Variants in TASP1 observed in about 807,000 individuals in gnomAD.
The protein encoded by TASP1 is threonine aspartase 1.
Under a neutral mutation model 56.6 loss-of-function variants are expected in TASP1, and 16 were observed. That is an observed-to-expected ratio of 0.28 (90% CI 0.19 to 0.43). The LOEUF is 0.43. TASP1 is among the 20% of genes least tolerant of loss of function. The probability of loss-of-function intolerance (pLI) is 1.00; values close to 1 mark genes in which losing one functional copy is unlikely to be tolerated. For synonymous variants in TASP1, 179 were observed against 184.2 expected (o/e 0.97, Z 0.23); for missense variants, 393 against 511.6 (o/e 0.77, Z 2.24).
intron 13 of TASP1, among the ~76,000 whole-genome samples, chr20:13,400,784 A>C (rs957008319): frequency 6.6e-6 from 1 of 152,224 alleles, no homozygotes; most frequent in Non-Finnish European, 1.5e-5. Flanking sequence ...TAAAATGTTA[A>C]GTTTTCACAA....
intron 1 of TASP1, among the ~76,000 whole-genome samples, chr20:13,630,849 T>C (rs1489087088): frequency 1.3e-5 from 2 of 152,128 alleles, no homozygotes; most frequent in Non-Finnish European, 1.5e-5. Context: ...GAGAGTATTA[T>C]TTTATTCATG....
chr20:13,631,760 T>C (rs2049093503), intron 1 of TASP1, among the ~76,000 whole-genome samples: 1 of 152,220 alleles, frequency 6.6e-6, no homozygotes, highest in African/African-American at 2.4e-5. Context: ...GAAATTATAA[T>C]ATTTATATTT....
At chr20:13,133,213 G>C in the TASP1 span, among the ~76,000 whole-genome samples, 3 of 151,712 alleles carry the variant, frequency 2.0e-5, no homozygotes, top group Non-Finnish European at 4.4e-5. Context: ...TATAGTTCCC[G>C]CTGCACAAGT....
In TASP1 at chr20:13,437,643, T is replaced by C. The variant is rs2043054615; in HGVS notation, c.986-2489A>G. 2.6e-5 allele frequency among the ~76,000 whole-genome samples: 4 copies of C among 152,210 alleles called. No homozygotes were observed. The South Asian group carries it at 8.3e-4, about 32-fold the overall frequency. On this transcript the variant is annotated intron_variant, in intron 11 of 13. Coordinates refer to ENST00000337743, the MANE Select transcript of TASP1 (RefSeq NM_017714.3). ...TCAGCCCAAAATCTCCTTAAGCTGA[T>C]AGACAATTTCAGCAAAGTCTCAGGA... is the stretch of plus-strand genomic sequence containing the variant.
At chr20:13,159,972 T>A in the TASP1 span, 7,619 of 1,493,268 alleles carry the variant, frequency 5.1e-3, 65 homozygotes, top group South Asian at 0.01. Flanking sequence ...ACTAACCACT[T>A]TTTTTTTTTC....
Position 13,463,405 on chromosome 20 carries a change from TA to T in TASP1, c.985+19821del, listed in dbSNP as rs569340879. On this transcript the variant is annotated intron_variant, in intron 11 of 13. Transcript: ENST00000337743. ...GATCTAAATGTAAGAGTAAAAACTA[TA>T]AAACTCCTATAAGAAAACACAGGGG... 2.7e-3 allele frequency among the ~76,000 whole-genome samples: 407 copies of T among 152,122 alleles called. 1 individual carries two copies. The highest frequency in any genetic ancestry group is 4.4e-3 in the Non-Finnish European group (301 of 67,972).
intron 10 of TASP1, among the ~76,000 whole-genome samples, chr20:13,483,868 G>C (rs1430522757): frequency 6.6e-6 from 1 of 151,806 alleles, no homozygotes; most frequent in African/African-American, 2.4e-5. Context: ...AGAGTGAACA[G>C]GCAACCTACA....
the TASP1 span, chr20:13,126,838 A>G: frequency 9.7e-6 from 13 of 1,335,310 alleles, no homozygotes; most frequent in East Asian, 2.2e-4. Context: ...AAATCAAGCC[A>G]TGTGATAAAT....
At chr20:13,476,463 G>T (rs1404686660) in intron 11 of TASP1, among the ~76,000 whole-genome samples, 1 of 152,122 alleles carries the variant, frequency 6.6e-6, no homozygotes, top group East Asian at 1.9e-4. Flanking sequence ...AAGATTCCAG[G>T]ATCTCCATTT....
At chr20:13,392,480 A>G (rs2041326617) in intron 13 of TASP1, among the ~76,000 whole-genome samples, 1 of 152,200 alleles carries the variant, frequency 6.6e-6, no homozygotes, top group Admixed American at 6.5e-5. Context: ...AAGCTTTGTT[A>G]CATACATCTC....
At chr20:13,476,131 T>C (rs1208865252) in intron 11 of TASP1, among the ~76,000 whole-genome samples, 3 of 152,028 alleles carry the variant, frequency 2.0e-5, no homozygotes, top group Admixed American at 6.6e-5. Context: ...AATAAATAAA[T>C]AAACAAACAA....
chr20:13,585,799 A>G (rs1286404917), intron 5 of TASP1, among the ~76,000 whole-genome samples: 1 of 152,214 alleles, frequency 6.6e-6, no homozygotes, highest in East Asian at 1.9e-4. Flanking sequence ...GAAAACCGGC[A>G]GTATCTATTA....
At chr20:13,105,551 C>A in the TASP1 span, among the ~76,000 whole-genome samples, 49,412 of 152,060 alleles carry the variant, frequency 0.32, 10,097 homozygotes, top group African/African-American at 0.58. Context: ...TTTTAAAATT[C>A]TGGATTAATC....
chr20:13,171,094 G>GT, the TASP1 span, among the ~76,000 whole-genome samples: 4 of 152,078 alleles, frequency 2.6e-5, no homozygotes. Flanking sequence ...CAGTCTATCA[G>GT]TTTTTTTGCC....
At chr20:13,268,160 C>T in the TASP1 span, among the ~76,000 whole-genome samples, 134 of 77,944 alleles carry the variant, frequency 1.7e-3, no homozygotes, top group East Asian at 7.9e-3. Context: ...TCTTCCCTTC[C>T]CTTCTCTCCT....
chr20:13,633,704 G>A (rs2049183882), intron 1 of TASP1, among the ~76,000 whole-genome samples: 1 of 152,012 alleles, frequency 6.6e-6, no homozygotes, highest in African/African-American at 2.4e-5. Context: ...AACTGGCTAA[G>A]TGTACTTAAG....
intron 12 of TASP1, among the ~76,000 whole-genome samples, chr20:13,420,111 A>G (rs1415179647): frequency 2.0e-5 from 3 of 152,234 alleles, no homozygotes; most frequent in Non-Finnish European, 4.4e-5. Context: ...GCAACTGCTC[A>G]GGAATTAGCC....
chr20:13,590,182 A>C (rs540597534), intron 4 of TASP1, among the ~76,000 whole-genome samples: 1 of 152,312 alleles, frequency 6.6e-6, no homozygotes, highest in South Asian at 2.1e-4. Context: ...TAGTGAGCCA[A>C]GATCTTGCAC....
At chr20:13,363,522 ACT>A in the TASP1 span, among the ~76,000 whole-genome samples, 1 of 152,052 alleles carries the variant, frequency 6.6e-6, no homozygotes, top group South Asian at 2.1e-4. Flanking sequence ...GAGTTCTGTG[ACT>A]CTAGCAAATT....
Sources: gnomAD v4.1 joint callset for allele counts (sites outside exome capture counted in the v4.1 genomes callset) on GRCh38, gnomAD v4.1.1 for gene constraint, MANE v1.5 for transcripts, NCBI Gene and HGNC (gene_info 2026-07-23, HGNC 2026-07-21) for gene names.